Variants in PLCB1 observed in about 807,000 individuals in gnomAD.
PLCB1 encodes phospholipase C beta 1, also known as 1-phosphatidylinositol 4,5-bisphosphate phosphodiesterase beta-1.
Under a neutral mutation model 161.8 loss-of-function variants are expected in PLCB1, and 46 were observed. That is an observed-to-expected ratio of 0.28 (90% CI 0.22 to 0.36). PLCB1 has a LOEUF of 0.36. Among genes scored for constraint, PLCB1 ranks in the 10% least tolerant of loss-of-function variants. PLCB1 has a pLI of 1.00. For synonymous variants in PLCB1, 517 were observed against 503.7 expected (o/e 1.03, Z -0.35); for missense variants, 1,016 against 1,472.5 (o/e 0.69, Z 5.07).
At chr20:8,624,820 G>A (rs564255875) in intron 3 of PLCB1, among the ~76,000 whole-genome samples, 2 of 152,268 alleles carry the variant, frequency 1.3e-5, no homozygotes, top group African/African-American at 4.8e-5. Flanking sequence ...GCACTTATGG[G>A]AACAGAAATG....
chr20:8,704,921 T>C (rs927087247), intron 11 of PLCB1, among the ~76,000 whole-genome samples: 7 of 149,782 alleles, frequency 4.7e-5, no homozygotes, highest in Admixed American at 4.0e-4. Context: ...AGTCTCAAGG[T>C]AGGAGAAGAC....
chr20:8,401,759 A>G (rs1978562644), intron 3 of PLCB1, among the ~76,000 whole-genome samples: 1 of 152,198 alleles, frequency 6.6e-6, no homozygotes, highest in Non-Finnish European at 1.5e-5. Context: ...GGATTCCTCA[A>G]TGCCTCAGCC....
chr20:8,522,896 G>A (rs1289874924), intron 3 of PLCB1, among the ~76,000 whole-genome samples: 1 of 152,122 alleles, frequency 6.6e-6, no homozygotes, highest in East Asian at 1.9e-4. Flanking sequence ...GGGGTGGGAT[G>A]AGGCCCCTGC....
intron 2 of PLCB1, among the ~76,000 whole-genome samples, chr20:8,193,499 A>G (rs1436860192): frequency 6.6e-6 from 1 of 152,030 alleles, no homozygotes; most frequent in Non-Finnish European, 1.5e-5. Context: ...AGGCAAGAAT[A>G]ATCACATTTG....
intron 3 of PLCB1, among the ~76,000 whole-genome samples, chr20:8,556,070 C>G (rs1480233661): frequency 6.6e-6 from 1 of 151,782 alleles, no homozygotes; most frequent in Non-Finnish European, 1.5e-5. Flanking sequence ...AAAGATTTAT[C>G]CAGTAATAAT....
intron 2 of PLCB1, among the ~76,000 whole-genome samples, chr20:8,202,933 A>G (rs946325910): frequency 6.6e-6 from 1 of 152,138 alleles, no homozygotes; most frequent in African/African-American, 2.4e-5. Flanking sequence ...GTTGTATTTC[A>G]TATGAGGGGG....
intron 31 of PLCB1, chr20:8,831,248 G>A (rs6118336): frequency 0.018 from 2,778 of 157,572 alleles, 90 homozygotes; most frequent in African/African-American, 0.064. Flanking sequence ...GCATAGGGGA[G>A]CACAGGGCTC....
chr20:8,507,630 G>A (rs1490208459), intron 3 of PLCB1, among the ~76,000 whole-genome samples: 2 of 152,128 alleles, frequency 1.3e-5, no homozygotes, highest in Non-Finnish European at 2.9e-5. Flanking sequence ...AGAAATTGCA[G>A]ATCTGGAATA....
chr20:8,412,137 A>C (rs1568666047), intron 3 of PLCB1, among the ~76,000 whole-genome samples: 1 of 152,240 alleles, frequency 6.6e-6, no homozygotes. Flanking sequence ...AATACATTGT[A>C]AGGTATTATT....
chr20:8,619,616 C>T (rs1988124367), intron 3 of PLCB1, among the ~76,000 whole-genome samples: 1 of 152,040 alleles, frequency 6.6e-6, no homozygotes, highest in Non-Finnish European at 1.5e-5. Context: ...GGTGAACAGA[C>T]ATTGCTATTA....
intron 2 of PLCB1, among the ~76,000 whole-genome samples, chr20:8,362,920 T>C (rs1329117160): frequency 6.6e-6 from 1 of 152,192 alleles, no homozygotes; most frequent in Non-Finnish European, 1.5e-5. Context: ...TTCTATTATG[T>C]ACATAGGGTC....
intron 3 of PLCB1, among the ~76,000 whole-genome samples, chr20:8,549,682 C>T (rs1985704283): frequency 6.6e-6 from 1 of 152,272 alleles, no homozygotes; most frequent in South Asian, 2.1e-4. Flanking sequence ...GCAACTTCTG[C>T]TTCCTGGGCT....
At chr20:8,409,388 A>C (rs557643090) in intron 3 of PLCB1, among the ~76,000 whole-genome samples, 1 of 152,140 alleles carries the variant, frequency 6.6e-6, no homozygotes, top group Non-Finnish European at 1.5e-5. Flanking sequence ...TCTTGAATGA[A>C]ATTTGACATC....
intron 31 of PLCB1, among the ~76,000 whole-genome samples, chr20:8,801,187 A>C (rs1984263120): frequency 1.3e-5 from 2 of 152,138 alleles, no homozygotes; most frequent in South Asian, 4.2e-4. Flanking sequence ...CCCCAACAAG[A>C]CAGGCGAATC....
At chr20:8,349,761 C>T (rs575365185) in intron 2 of PLCB1, among the ~76,000 whole-genome samples, 1 of 152,070 alleles carries the variant, frequency 6.6e-6, no homozygotes, top group South Asian at 2.1e-4. Flanking sequence ...ATGTGACAAG[C>T]AGGTCTTATA....
intron 26 of PLCB1, among the ~76,000 whole-genome samples, chr20:8,766,185 A>G (rs571799599): frequency 1.3e-5 from 2 of 152,292 alleles, no homozygotes; most frequent in East Asian, 3.9e-4. Flanking sequence ...AGCAATAAAC[A>G]TGACCTACCC....
intron 3 of PLCB1, among the ~76,000 whole-genome samples, chr20:8,440,752 A>G (rs1360116590): frequency 1.3e-5 from 2 of 152,154 alleles, no homozygotes; most frequent in Non-Finnish European, 2.9e-5. Flanking sequence ...GACTAAAGTT[A>G]ACAATCATAT....
intron 3 of PLCB1, among the ~76,000 whole-genome samples, chr20:8,543,841 G>T (rs565613898): frequency 6.6e-6 from 1 of 152,002 alleles, no homozygotes; most frequent in South Asian, 2.1e-4. Flanking sequence ...TCTCATTCTC[G>T]CTCCTGCTGC....
intron 31 of PLCB1, among the ~76,000 whole-genome samples, chr20:8,850,265 C>T (rs1986843831): frequency 1.3e-5 from 2 of 152,210 alleles, no homozygotes; most frequent in African/African-American, 4.8e-5. Flanking sequence ...ACAGGCACAA[C>T]ATTTTCTAAT....
Sources: allele counts gnomAD v4.1 joint callset (sites outside exome capture counted in the v4.1 genomes callset), GRCh38; gene constraint gnomAD v4.1.1; transcripts MANE v1.5; gene names NCBI Gene and HGNC (gene_info 2026-07-23, HGNC 2026-07-21).